The following ACSL4 variants were observed in gnomAD, a reference collection of about 807,000 sequenced individuals.
ACSL4 encodes acyl-CoA synthetase long chain family member 4.
ACSL4 carries 9 observed loss-of-function variants against 49.1 expected under a neutral mutation model. The ratio of observed to expected loss-of-function variants is 0.18; its 90% confidence interval spans 0.11 to 0.32. The LOEUF (loss-of-function observed/expected upper bound fraction) is 0.32. Ranked by LOEUF, ACSL4 falls within the 10% of genes least tolerant of loss-of-function variation. The pLI is 1.00. For missense variants in ACSL4, 333 were observed against 493.7 expected (o/e 0.67, Z 3.08); for synonymous variants, 191 against 170.3 (o/e 1.12, Z -0.95).
intron 1 of ACSL4, among the ~76,000 whole-genome samples, chrX:109,697,926 G>T (rs1371735909): frequency 1.8e-5 from 2 of 110,258 alleles, no homozygotes; most frequent in African/African-American, 6.6e-5. Flanking sequence ...GCAGGGGAGA[G>T]GGATAGGGGA....
rs779944153 is a variant in ACSL4, at chrX:109,705,067, A to C, written c.-65-8871T>G. 7.2e-5 allele frequency among the ~76,000 whole-genome samples: 8 copies of C among 111,733 alleles called. No homozygotes were observed. In the East Asian group the frequency reaches 2.0e-3, roughly 27 times the overall value. On this transcript the variant is annotated intron_variant, in intron 1 of 15. Coordinates refer to ENST00000672401, the MANE Select transcript of ACSL4 (RefSeq NM_001318510.2). ...TCTCCGAACTCATTGAGTTGTATAC[A>C]TTCCATCTTTACAGCTTTTTGTATG...
intron 15 of ACSL4, among the ~76,000 whole-genome samples, chrX:109,648,580 C>A (rs1934850791): frequency 9.0e-6 from 1 of 111,592 alleles, no homozygotes; most frequent in African/African-American, 3.3e-5. Context: ...ACTGAATGGG[C>A]AAAAACTGGA....
chrX:109,683,415 G>A lies in ACSL4; in HGVS notation c.-12-40C>T, dbSNP rs140779266. The stretch of plus-strand genomic sequence containing the variant: ...GAAAATACCATGGAATAAATATAAG[G>A]GCACTGTATATTGTTATTAACAAGT... On this transcript the variant is annotated intron_variant, in intron 2 of 15. Transcript: ENST00000672401. 667 of 1,209,790 alleles carry A rather than the reference G, an allele frequency of 5.5e-4. 5 individuals carry two copies. In the African/African-American group the frequency reaches 0.011, roughly 19 times the overall value.
chrX:109,644,583 G>C (rs1934560050), intron 15 of ACSL4, among the ~76,000 whole-genome samples: 1 of 111,982 alleles, frequency 8.9e-6, no homozygotes, highest in Non-Finnish European at 1.9e-5. Flanking sequence ...AAAGTTGTGT[G>C]TCACTTCCAT....
chrX:109,709,504 G>C, intron 1 of ACSL4, among the ~76,000 whole-genome samples: 1 of 112,574 alleles, frequency 8.9e-6, no homozygotes, highest in South Asian at 3.6e-4. Context: ...CTTTCGAAAT[G>C]TTTCGAGCAG....
intron 2 of ACSL4, among the ~76,000 whole-genome samples, chrX:109,689,532 C>T (rs977231247): frequency 1.2e-4 from 13 of 112,382 alleles, no homozygotes; most frequent in East Asian, 8.4e-4. Flanking sequence ...CCTCCTAGTA[C>T]GCTTTCCCTG....
At chrX:109,661,306 A>G (rs1922158369) in intron 14 of ACSL4, among the ~76,000 whole-genome samples, 1 of 111,546 alleles carries the variant, frequency 9.0e-6, no homozygotes, top group African/African-American at 3.3e-5. Context: ...TTGCATAGCT[A>G]AGTATTTAGC....
chrX:109,731,152 C>G (rs942403600), intron 1 of ACSL4, among the ~76,000 whole-genome samples: 1 of 111,434 alleles, frequency 9.0e-6, no homozygotes, highest in Non-Finnish European at 1.9e-5. Context: ...ATTGAAACCA[C>G]TATACACAAA....
At chrX:109,663,708 C>T (rs1203097191) in intron 12 of ACSL4, among the ~76,000 whole-genome samples, 1 of 110,955 alleles carries the variant, frequency 9.0e-6, no homozygotes, top group Non-Finnish European at 1.9e-5. Flanking sequence ...GATAAAATCA[C>T]CCCCAGGAAG....
At chrX:109,684,688 A>C (rs1415025355) in intron 2 of ACSL4, among the ~76,000 whole-genome samples, 3 of 112,162 alleles carry the variant, frequency 2.7e-5, no homozygotes, top group Non-Finnish European at 5.6e-5. Context: ...AAAGGAGTTC[A>C]GAGGAAGTGC....
At chrX:109,669,989 G>A (rs1923040582) in intron 9 of ACSL4, among the ~76,000 whole-genome samples, 1 of 110,733 alleles carries the variant, frequency 9.0e-6, no homozygotes, top group Non-Finnish European at 1.9e-5. Context: ...CACAAACTTG[G>A]AAAACTGGAG....
intron 15 of ACSL4, among the ~76,000 whole-genome samples, chrX:109,646,643 A>C (rs1316189871): frequency 2.7e-5 from 3 of 109,551 alleles, no homozygotes; most frequent in African/African-American, 6.6e-5. Context: ...CTAACATCAT[A>C]ATGACAGGAT....
intron 2 of ACSL4, among the ~76,000 whole-genome samples, chrX:109,694,525 A>T (rs749249999): frequency 1.5e-4 from 17 of 111,888 alleles, no homozygotes; most frequent in African/African-American, 5.5e-4. Context: ...GGGGGAAATG[A>T]CACAGAGCTA....
At position 109,691,729 on chromosome X, in the gene ACSL4, T is replaced by C. The variant is rs1056987334; in HGVS notation, c.-13+4415A>G. 3.6e-5 allele frequency among the ~76,000 whole-genome samples: 4 copies of C among 112,438 alleles called. No homozygotes were observed. In the East Asian group the frequency reaches 1.1e-3, roughly 31 times the overall value. ...ATCAGTCTGCAAGACGAAATAATCA[T>C]GTAAAATATATGTATCATTACGGCA... On this transcript the variant is annotated intron_variant, in intron 2 of 15. Transcript: ENST00000672401.
chrX:109,645,897 C>T (rs542444786), intron 15 of ACSL4, among the ~76,000 whole-genome samples: 1 of 111,856 alleles, frequency 8.9e-6, no homozygotes, highest in African/African-American at 3.2e-5. Flanking sequence ...GGAGCCGATG[C>T]GATCAACTGG....
intron 1 of ACSL4, among the ~76,000 whole-genome samples, chrX:109,714,879 C>G (rs1282758054): frequency 1.8e-5 from 2 of 111,986 alleles, no homozygotes; most frequent in Admixed American, 9.5e-5. Context: ...CAACCTATGA[C>G]TATGTAACTA....
intron 1 of ACSL4, among the ~76,000 whole-genome samples, chrX:109,726,457 C>A (rs760236323): frequency 8.9e-6 from 1 of 111,839 alleles, no homozygotes; most frequent in Non-Finnish European, 1.9e-5. Context: ...AACAAAAAAA[C>A]AAATACAACC....
At chrX:109,674,275 T>C in intron 9 of ACSL4, 127 bp downstream of exon 9, 1 of 607,813 alleles carries the variant, frequency 1.6e-6, no homozygotes, top group Non-Finnish European at 2.7e-6. Context: ...TTTGCTGTGA[T>C]TTCAACAAGG....
chrX:109,682,699 C>T lies in ACSL4; in HGVS notation c.406+20G>A. 8.3e-7 allele frequency: 1 copy of T among 1,210,885 alleles called. No individual in the cohort carries two copies. Among genetic ancestry groups the T allele is most frequent in the Non-Finnish European group, 1.1e-6 (1 of 894,812 alleles). On this transcript the variant is annotated intron_variant, in intron 4 of 15. Coordinates refer to ENST00000672401, the MANE Select transcript of ACSL4 (RefSeq NM_001318510.2). ...AGCAAAGACCCTCCTCTCCCCCCTC[C>T]AAAAACACAAGGCACTTACGAGGAA...
Sources: gnomAD v4.1 joint callset for allele counts (sites outside exome capture counted in the v4.1 genomes callset) on GRCh38, gnomAD v4.1.1 for gene constraint, MANE v1.5 for transcripts, NCBI Gene and HGNC (gene_info 2026-07-23, HGNC 2026-07-21) for gene names.